CLCA1: variants seen among roughly 807,000 people sequenced by gnomAD.
CLCA1 encodes the protein calcium-activated chloride channel regulator 1.
In CLCA1, 59 loss-of-function variants were observed where a neutral mutation model predicts 85.6. That is an observed-to-expected ratio of 0.69 (90% CI 0.56 to 0.86). CLCA1 has a LOEUF of 0.86. Ranked by LOEUF, CLCA1 falls within the 40% of genes least tolerant of loss-of-function variation. The probability of loss-of-function intolerance (pLI) is 0.00; values close to 1 mark genes in which losing one functional copy is unlikely to be tolerated. For missense variants in CLCA1, 1,022 were observed against 1,101.4 expected (o/e 0.93, Z 1.02); for synonymous variants, 396 against 398.3 (o/e 0.99, Z 0.07).
chr1:86,488,924 T>C (rs1648060972), intron 7 of CLCA1, 72 bp from the exon 8 acceptor site: 2 of 1,324,098 alleles, frequency 1.5e-6, no homozygotes, highest in South Asian at 1.4e-5. Flanking sequence ...TCTCCTTTCC[T>C]GTAAGCAGAA....
At position 86,486,544 on chromosome 1, in the gene CLCA1, C is replaced by A. The variant is rs754798551; in HGVS notation, c.973C>A (p.Arg325=). ...GSMATGNRLN[R]LNQAGQLFLL... ...CATTTAGACTGGTAACCGCCTCAAT[C>A]GACTGAATCAAGCAGGCCAGCTTTT... Residue 325 remains arginine, a synonymous_variant, in exon 7 of 14, where the codon CGA becomes AGA. Transcript: ENST00000394711. The A allele has an allele frequency of 1.2e-6, 2 of 1,614,066 alleles. No homozygotes were observed. Among genetic ancestry groups the A allele is most frequent in the Non-Finnish European group, 1.7e-6 (2 of 1,180,004 alleles).
At chr1:86,471,692 C>T (rs1272792772) in intron 1 of CLCA1, among the ~76,000 whole-genome samples, 3 of 152,086 alleles carry the variant, frequency 2.0e-5, no homozygotes, top group Admixed American at 1.3e-4. Context: ...TAATATTAAA[C>T]TCTCCTAGTG....
intron 3 of CLCA1, among the ~76,000 whole-genome samples, chr1:86,475,290 A>G (rs1489004832): frequency 6.6e-6 from 1 of 152,220 alleles, no homozygotes; most frequent in African/African-American, 2.4e-5. Flanking sequence ...CCCAATCCTT[A>G]GTGTGGGATA....
At chr1:86,496,597 C>A (rs903901785) in intron 12 of CLCA1, among the ~76,000 whole-genome samples, 2 of 152,170 alleles carry the variant, frequency 1.3e-5, no homozygotes, top group South Asian at 4.1e-4. Flanking sequence ...GGTTGGTGTG[C>A]GGGAAGGAGA....
chr1:86,472,577 C>G (rs955865605), intron 1 of CLCA1, among the ~76,000 whole-genome samples: 1 of 152,196 alleles, frequency 6.6e-6, no homozygotes, highest in Non-Finnish European at 1.5e-5. Flanking sequence ...TCTTCTATCA[C>G]TCTCCCTACT....
At chr1:86,477,067 A>G (rs942491360) in intron 4 of CLCA1, among the ~76,000 whole-genome samples, 3 of 152,026 alleles carry the variant, frequency 2.0e-5, no homozygotes, top group Admixed American at 2.0e-4. Context: ...ACATTACCAC[A>G]TCAGACTAAT....
Position 86,491,273 on chromosome 1 carries a change from C to T in CLCA1, c.1366C>T (p.Gln456Ter), listed in dbSNP as rs1558144179. The T allele has an allele frequency of 6.2e-7, 1 of 1,610,140 alleles. No individual in the cohort carries two copies. ...EELSKMTGGL[Q>*]TYASDQVQNN... is the part of the protein sequence containing the mutation. The stretch of plus-strand genomic sequence containing the variant: ...ATGTAATTGCATTTTAGGAGGTTTA[C>T]AGACATATGCTTCAGATCAAGTTCA... Residue 456 changes from glutamine (Q) to a stop codon, truncating the protein, a stop_gained, in exon 9 of 14, where the codon CAG becomes TAG. Transcript: ENST00000394711. LOFTEE classifies it high-confidence loss of function.
In CLCA1 at chr1:86,473,496, T is replaced by C. The variant is rs1423404595; in HGVS notation, c.242T>C (p.Ile81Thr). 1.9e-6 allele frequency: 3 copies of C among 1,611,730 alleles called. No individual in the cohort carries two copies. ...TATTTCAAAAATGTTGCCATTTTGA[T>C]TCCTGAAACATGGAAGACAAAGGCT... ...RFYFKNVAIL[I>T]PETWKTKADY... is the part of the protein sequence containing the mutation. Residue 81 changes from isoleucine to threonine, a missense_variant, in exon 2 of 14, where the codon ATT becomes ACT. Ile to Thr is a moderately conservative substitution (Grantham distance 89). Transcript: ENST00000394711.
chr1:86,474,203 ATCT>A (rs1455765310), intron 3 of CLCA1, among the ~76,000 whole-genome samples: 1 of 152,236 alleles, frequency 6.6e-6, no homozygotes, highest in Non-Finnish European at 1.5e-5. Context: ...ACGGAATTAA[ATCT>A]TCTACCTGCA....
At chr1:86,473,157 T>A (rs2753377) in intron 1 of CLCA1, among the ~76,000 whole-genome samples, 98,907 of 152,102 alleles carry the variant, frequency 0.65, 32,460 homozygotes, top group East Asian at 0.85. Flanking sequence ...AATTGCCGAA[T>A]GTCCCACAAA....
rs538362494 is a variant in CLCA1, at chr1:86,479,278, G to C, written c.557+2725G>C. Reference sequence around the variant, plus strand: ...CAATACTTCAAGACAGCAATGAAAGGTATGATAAAAGTAGAAACAATGCTA... The same window carrying C: ...CAATACTTCAAGACAGCAATGAAAGCTATGATAAAAGTAGAAACAATGCTA... On this transcript the variant is annotated intron_variant, in intron 4 of 13. Transcript: ENST00000394711. Among the ~76,000 whole-genome samples, 4 of 152,232 alleles carry C rather than the reference G, an allele frequency of 2.6e-5. No homozygotes were observed. The East Asian group carries it at 7.7e-4, about 29-fold the overall frequency.
intron 7 of CLCA1, among the ~76,000 whole-genome samples, 173 bp downstream of exon 7, chr1:86,486,926 T>C (rs997355940): frequency 1.3e-5 from 2 of 152,022 alleles, no homozygotes; most frequent in African/African-American, 2.4e-5. Context: ...GAATAGGAGG[T>C]TGAAAGGGGC....
chr1:86,498,617 A>T lies in CLCA1; in HGVS notation c.2159A>T (p.Asp720Val). The change falls in exon 13 of 14, where the codon GAT (aspartate) becomes GTT (valine). Residue 720 changes from aspartate to valine, a missense_variant. Transcript: ENST00000394711. ...CCAAGACCTGAAATTAATAAGGATG[A>T]TGTTCAACACAAGCAAGTGTGTTTC... ...NPPRPEINKD[D>V]VQHKQVCFSR... The T allele has an allele frequency of 6.2e-7, 1 of 1,613,978 alleles. No homozygotes were observed. The highest frequency in any genetic ancestry group is 2.2e-5 in the East Asian group (1 of 44,870).
At chr1:86,499,403 C>A (rs1469683959) in intron 13 of CLCA1, among the ~76,000 whole-genome samples, 1 of 152,176 alleles carries the variant, frequency 6.6e-6, no homozygotes, top group Non-Finnish European at 1.5e-5. Flanking sequence ...GAAATGCTGA[C>A]CAAGGCTTTA....
intron 5 of CLCA1, among the ~76,000 whole-genome samples, chr1:86,483,724 A>C (rs1430833749): frequency 6.6e-6 from 1 of 152,254 alleles, no homozygotes; most frequent in Non-Finnish European, 1.5e-5. Context: ...TACTCAAAAA[A>C]TAACAAAGTC....
In CLCA1 at chr1:86,499,633, A is replaced by G. The variant is rs772097395; in HGVS notation, c.2354-21A>G. ...TTTAATATTTCAGAATTAAAGTCACATTCTTCTTTTTTCTTTTTAGCTCAC... is the reference window on the plus strand; with the variant it reads ...TTTAATATTTCAGAATTAAAGTCACGTTCTTCTTTTTTCTTTTTAGCTCAC... On this transcript the variant is annotated intron_variant, in intron 13 of 13. Coordinates refer to ENST00000394711, the MANE Select transcript of CLCA1 (RefSeq NM_001285.4). 6 of 1,465,008 alleles carry G rather than the reference A, an allele frequency of 4.1e-6. No homozygotes were observed. The East Asian group carries it at 1.4e-4, about 33-fold the overall frequency. 90.8% of individuals were successfully genotyped at this position (1,465,008 alleles called of 1,614,324 possible).
At chr1:86,490,899 T>TAAAAAAAAAAA (rs59948810) in intron 8 of CLCA1, among the ~76,000 whole-genome samples, 7 of 89,708 alleles carry the variant, frequency 7.8e-5, no homozygotes, top group Non-Finnish European at 9.2e-5. Context: ...AACCCATCTC[T>TAAAAAAAAAAA]AAAAAAAAAA....
In CLCA1 at chr1:86,482,309, A is replaced by G. The variant is rs1483720341; in HGVS notation, c.662A>G (p.Lys221Arg). The change falls in exon 5 of 14, where the codon AAA becomes AGA. Residue 221 changes from lysine to arginine, a missense_variant. Coordinates refer to ENST00000394711, the MANE Select transcript of CLCA1 (RefSeq NM_001285.4). ...AATAAAGTAACAGGACTCTATGAAA[A>G]AGGATGTGAGTTTGTTCTCCAATCC... ...TFNKVTGLYE[K>R]GCEFVLQSRQ... The G allele has an allele frequency of 1.9e-6, 3 of 1,614,134 alleles. No individual in the cohort carries two copies. Among genetic ancestry groups the G allele is most frequent in the Non-Finnish European group, 1.7e-6 (2 of 1,179,982 alleles).
chr1:86,491,093 A>T (rs931184186), intron 8 of CLCA1, among the ~76,000 whole-genome samples, 172 bp from the exon 9 acceptor site: 4 of 151,922 alleles, frequency 2.6e-5, no homozygotes, highest in Non-Finnish European at 5.9e-5. Flanking sequence ...TAAATAGGTT[A>T]AAAAAATACT....
Sources: gnomAD v4.1 joint callset for allele counts (sites outside exome capture counted in the v4.1 genomes callset) on GRCh38, gnomAD v4.1.1 for gene constraint, MANE v1.5 for transcripts, NCBI Gene and HGNC (gene_info 2026-07-23, HGNC 2026-07-21) for gene names.